Variants in ACSL3 observed in about 807,000 individuals in gnomAD.
The protein encoded by ACSL3 is fatty acid CoA ligase Acsl3.
A neutral mutation model predicts 84.7 loss-of-function variants in ACSL3; 34 were observed. That is an observed-to-expected ratio of 0.40 (90% CI 0.31 to 0.53). The LOEUF is 0.53. Ranked by LOEUF, ACSL3 falls within the 20% of genes least tolerant of loss-of-function variation. The probability of loss-of-function intolerance (pLI) is 0.48; values close to 1 mark genes in which losing one functional copy is unlikely to be tolerated. For synonymous variants in ACSL3, 315 were observed against 299.4 expected, an observed-to-expected ratio of 1.05 and a Z score of -0.54; for missense variants, 680 against 873.1, an observed-to-expected ratio of 0.78 and a Z score of 2.79.
At chr2:222,883,975 T>C (rs1339156347) in intron 1 of ACSL3, among the ~76,000 whole-genome samples, 1 of 152,218 alleles carries the variant, frequency 6.6e-6, no homozygotes, top group Non-Finnish European at 1.5e-5. Flanking sequence ...ATAGCCTCTC[T>C]TATGCCTTTG....
intron 1 of ACSL3, among the ~76,000 whole-genome samples, chr2:222,881,027 G>A (rs1298826774): frequency 6.7e-6 from 1 of 150,294 alleles, no homozygotes; most frequent in Non-Finnish European, 1.5e-5. Context: ...TTTTTTCATT[G>A]CATTGGCTAA....
chr2:222,893,856 A>C (rs915453203), intron 2 of ACSL3, among the ~76,000 whole-genome samples: 7 of 151,566 alleles, frequency 4.6e-5, no homozygotes, highest in African/African-American at 1.7e-4. Context: ...TCTTTTCACA[A>C]AGTCTTGCTC....
At chr2:222,927,242 G>A in intron 12 of ACSL3, 53 bp downstream of exon 12, 1 of 1,579,840 alleles carries the variant, frequency 6.3e-7, no homozygotes. Flanking sequence ...GTTTTTTTGG[G>A]GTATGGGATA....
In ACSL3 at chr2:222,942,035, T is replaced by G; in HGVS notation, c.*381T>G. On this transcript the variant is annotated 3_prime_UTR_variant, in exon 17 of 17. Transcript: ENST00000357430. ...TGTATAGAGGGATAAATAGGAAATA[T>G]AAGAATTGGTTATTTGGGGGCTTTT... 4.4e-6 allele frequency: 1 copy of G among 224,874 alleles called. No homozygotes were observed. Among genetic ancestry groups the G allele is most frequent in the Non-Finnish European group, 8.9e-6 (1 of 112,790 alleles). The allele number at this position is 224,874 out of a possible 1,614,324, so 13.9% of individuals were successfully genotyped here.
intron 2 of ACSL3, among the ~76,000 whole-genome samples, 162 bp from the exon 3 acceptor site, chr2:222,900,512 C>T (rs1420026751): frequency 1.3e-5 from 2 of 152,056 alleles, no homozygotes; most frequent in South Asian, 2.1e-4. Flanking sequence ...ATCTTAAACC[C>T]GTATTTTCAA....
intron 13 of ACSL3, among the ~76,000 whole-genome samples, 186 bp downstream of exon 13, chr2:222,929,122 G>C (rs1696957601): frequency 6.6e-6 from 1 of 152,056 alleles, no homozygotes; most frequent in Non-Finnish European, 1.5e-5. Flanking sequence ...TGTTTCTGAA[G>C]AACTATTATT....
At chr2:222,922,890 T>C in intron 9 of ACSL3, 59 bp downstream of exon 9, 1 of 1,603,956 alleles carries the variant, frequency 6.2e-7, no homozygotes. Context: ...GTAATGCATT[T>C]TTTTCAGTCA....
At chr2:222,914,230 TGTAC>T (rs1437691780) in intron 4 of ACSL3, among the ~76,000 whole-genome samples, 1 of 128,396 alleles carries the variant, frequency 7.8e-6, no homozygotes, top group East Asian at 2.2e-4. Context: ...AAGGTGTGTG[TGTAC>T]GTGTGTGTGT....
chr2:222,934,537 T>A lies in ACSL3; in HGVS notation c.1855T>A (p.Ser619Thr). 1 of 1,570,764 alleles carries A rather than the reference T, an allele frequency of 6.4e-7. No homozygotes were observed. Among genetic ancestry groups the A allele is most frequent in the Non-Finnish European group, 8.6e-7 (1 of 1,157,964 alleles). The change falls in exon 16 of 17, where the codon TCT (serine) becomes ACT (threonine). Residue 619 changes from serine (S) to threonine (T), a missense_variant. Ser to Thr is a moderately conservative substitution (Grantham distance 58). This residue lies in a region of ACSL3 where 347 missense variants were observed against 525.7 expected (regional missense o/e 0.66). Coordinates refer to ENST00000357430, the MANE Select transcript of ACSL3 (RefSeq NM_004457.5). ...NICAYANSYHSYVIGFVVPNQ... is the reference protein window; with the variant it reads ...NICAYANSYHTYVIGFVVPNQ... ...ATCCTTTCTATATTTCAGTTATCAT[T>A]CTTATGTCATTGGATTTGTTGTGCC... is the stretch of plus-strand genomic sequence containing the variant.
intron 3 of ACSL3, among the ~76,000 whole-genome samples, chr2:222,903,823 A>C (rs754083083): frequency 1.3e-5 from 2 of 152,158 alleles, no homozygotes; most frequent in South Asian, 4.1e-4. Context: ...GCTGCCCTCT[A>C]CTGGACTATT....
intron 2 of ACSL3, among the ~76,000 whole-genome samples, chr2:222,894,102 A>T (rs1223905054): frequency 1.3e-5 from 2 of 152,220 alleles, no homozygotes; most frequent in East Asian, 1.9e-4. Flanking sequence ...AGCAATTTTT[A>T]ACATAAAATT....
chr2:222,869,300 T>TA (rs1475364344), intron 1 of ACSL3, among the ~76,000 whole-genome samples: 11 of 152,350 alleles, frequency 7.2e-5, no homozygotes, highest in East Asian at 5.8e-4. Flanking sequence ...TTTCAATTCT[T>TA]ACCTCACAAG....
At chr2:222,899,312 A>T (rs1696074114) in intron 2 of ACSL3, among the ~76,000 whole-genome samples, 1 of 151,342 alleles carries the variant, frequency 6.6e-6, no homozygotes, top group South Asian at 2.1e-4. Flanking sequence ...CATCTCTACT[A>T]AAAAATACAA....
At chr2:222,919,367 G>T (rs1324927379) in intron 7 of ACSL3, 165 bp downstream of exon 7, 4 of 545,900 alleles carry the variant, frequency 7.3e-6, no homozygotes, top group South Asian at 6.1e-5. Flanking sequence ...TGTCTTTAAA[G>T]AAAGTTTTAA....
chr2:222,877,498 T>A (rs1396584095), intron 1 of ACSL3, among the ~76,000 whole-genome samples: 2 of 152,160 alleles, frequency 1.3e-5, no homozygotes, highest in Non-Finnish European at 2.9e-5. Context: ...GTGAGAAACA[T>A]CTATATTGGC....
intron 1 of ACSL3, among the ~76,000 whole-genome samples, chr2:222,882,331 A>G (rs1695609426): frequency 6.6e-6 from 1 of 152,186 alleles, no homozygotes; most frequent in Non-Finnish European, 1.5e-5. Context: ...GGCCTTGTTC[A>G]TAGTTGCCTA....
At chr2:222,934,466 T>C (rs1697120097) in intron 15 of ACSL3, 64 bp from the exon 16 acceptor site, 2 of 1,313,572 alleles carry the variant, frequency 1.5e-6, no homozygotes, top group Non-Finnish European at 2.0e-6. Context: ...GTCACTGTAA[T>C]AATAACTGCA....
At chr2:222,861,944 GT>G (rs932573747) in intron 1 of ACSL3, among the ~76,000 whole-genome samples, 3 of 152,118 alleles carry the variant, frequency 2.0e-5, no homozygotes, top group African/African-American at 7.2e-5. Context: ...TATCAGGCTC[GT>G]TTCACAGATG....
chr2:222,908,059 T>C (rs7563167), intron 3 of ACSL3, among the ~76,000 whole-genome samples: 127,397 of 152,218 alleles, frequency 0.84, 53,668 homozygotes, highest in East Asian at 0.97. Context: ...TGCACGAGAG[T>C]GGGAACTTAG....
Sources: gnomAD v4.1 joint callset for allele counts (sites outside exome capture counted in the v4.1 genomes callset) on GRCh38, gnomAD v4.1.1 for gene constraint, gnomAD v4.1.1 regional missense constraint, MANE v1.5 for transcripts, NCBI Gene and HGNC (gene_info 2026-07-23, HGNC 2026-07-21) for gene names.